The following ENTREP1 variants were observed in gnomAD, a reference collection of about 807,000 sequenced individuals.
ENTREP1 encodes the protein endosomal transmembrane epsin interactor 1.
chr9:69,375,948 C>G, the ENTREP1 span: 1 of 1,424,354 alleles, frequency 7.0e-7, no homozygotes. Flanking sequence ...TATTCCTGTT[C>G]TATTACCTCC....
At chr9:69,352,865 G>A in the ENTREP1 span, among the ~76,000 whole-genome samples, 18 of 152,320 alleles carry the variant, frequency 1.2e-4, no homozygotes, top group Admixed American at 2.6e-4. Flanking sequence ...GCTGGATGTG[G>A]TGGCCCATGC....
At chr9:69,375,354 T>A in the ENTREP1 span, among the ~76,000 whole-genome samples, 1 of 152,280 alleles carries the variant, frequency 6.6e-6, no homozygotes, top group East Asian at 1.9e-4. Context: ...GTGCATTGTG[T>A]TGGGGAAAAA....
chr9:69,352,835 G>A, the ENTREP1 span, among the ~76,000 whole-genome samples: 18 of 152,184 alleles, frequency 1.2e-4, no homozygotes, highest in Admixed American at 1.0e-3. Flanking sequence ...CCCCCAATAT[G>A]CCAAAAAGAA....
the ENTREP1 span, chr9:69,377,682 G>A: frequency 5.0e-6 from 8 of 1,613,982 alleles, no homozygotes; most frequent in East Asian, 2.2e-5. Flanking sequence ...ATTTTGTGCC[G>A]CCTGTGCCTC....
chr9:69,380,059 T>A, the ENTREP1 span: 1 of 152,212 alleles, frequency 6.6e-6, no homozygotes, highest in African/African-American at 2.4e-5. Context: ...TTCAAAACTT[T>A]CTAGAAAGAA....
the ENTREP1 span, among the ~76,000 whole-genome samples, chr9:69,384,554 A>G: frequency 6.6e-6 from 1 of 152,220 alleles, no homozygotes. Context: ...GTGCTGTGTC[A>G]TTTATAACCT....
the ENTREP1 span, among the ~76,000 whole-genome samples, chr9:69,334,907 G>A: frequency 6.6e-6 from 1 of 151,356 alleles, no homozygotes; most frequent in Admixed American, 6.6e-5. Flanking sequence ...CTCCCAAGTA[G>A]CGTCACCATG....
At chr9:69,325,569 C>G in the ENTREP1 span, 9 of 1,218,188 alleles carry the variant, frequency 7.4e-6, no homozygotes, top group Non-Finnish European at 9.2e-6. Context: ...GCCGCGGCCC[C>G]GGGCTCCGCG....
At chr9:69,352,966 A>C in the ENTREP1 span, among the ~76,000 whole-genome samples, 1 of 152,108 alleles carries the variant, frequency 6.6e-6, no homozygotes, top group African/African-American at 2.4e-5. Context: ...CTAGACCCCC[A>C]TCTCTACAAA....
At chr9:69,329,757 G>A in the ENTREP1 span, 3 of 689,188 alleles carry the variant, frequency 4.4e-6, no homozygotes, top group Non-Finnish European at 3.3e-6. Context: ...CCTAGCTCTC[G>A]GTTTGGGGGG....
At chr9:69,383,896 A>T in the ENTREP1 span, 1 of 1,570,546 alleles carries the variant, frequency 6.4e-7, no homozygotes, top group South Asian at 1.1e-5. Context: ...GGGTCTAATG[A>T]GGGGTGAGTT....
chr9:69,367,656 AATAT>A, the ENTREP1 span, among the ~76,000 whole-genome samples: 1 of 77,228 alleles, frequency 1.3e-5, no homozygotes, highest in South Asian at 5.6e-4. Context: ...CATATATATA[AATAT>A]ATATATACAC....
chr9:69,341,035 T>A, the ENTREP1 span, among the ~76,000 whole-genome samples: 35 of 152,292 alleles, frequency 2.3e-4, no homozygotes, highest in Non-Finnish European at 4.0e-4. Flanking sequence ...AATAAGATTT[T>A]AAAAAAATTT....
the ENTREP1 span, among the ~76,000 whole-genome samples, chr9:69,352,103 T>C: frequency 6.6e-6 from 1 of 152,158 alleles, no homozygotes; most frequent in South Asian, 2.1e-4. Flanking sequence ...TAGGTCCTTC[T>C]TTTTTGTATT....
chr9:69,344,666 C>T, the ENTREP1 span, among the ~76,000 whole-genome samples: 4 of 152,240 alleles, frequency 2.6e-5, no homozygotes, highest in East Asian at 7.7e-4. Flanking sequence ...AGCCCGTGAC[C>T]TCTACCCCCT....
chr9:69,351,673 G>A, the ENTREP1 span, among the ~76,000 whole-genome samples: 20 of 152,134 alleles, frequency 1.3e-4, no homozygotes, highest in Admixed American at 5.2e-4. Flanking sequence ...CGCCTCGGCC[G>A]CCAAATTGCT....
chr9:69,334,645 A>T, the ENTREP1 span, among the ~76,000 whole-genome samples: 5,011 of 152,342 alleles, frequency 0.033, 243 homozygotes, highest in African/African-American at 0.11. Context: ...AAATGGCATC[A>T]GCACATCCCA....
At chr9:69,367,710 T>C in the ENTREP1 span, among the ~76,000 whole-genome samples, 1 of 83,598 alleles carries the variant, frequency 1.2e-5, no homozygotes, top group Non-Finnish European at 2.7e-5. Context: ...TATAAATATA[T>C]ATATACACAT....
the ENTREP1 span, among the ~76,000 whole-genome samples, chr9:69,347,388 A>T: frequency 1.3e-5 from 2 of 152,150 alleles, no homozygotes; most frequent in Non-Finnish European, 2.9e-5. Context: ...TTCCCTACCA[A>T]CATGGCTGTG....
Sources: allele counts gnomAD v4.1 joint callset (sites outside exome capture counted in the v4.1 genomes callset), GRCh38; gene constraint gnomAD v4.1.1; transcripts MANE v1.5; gene names NCBI Gene and HGNC (gene_info 2026-07-23, HGNC 2026-07-21).